Variants in OR1F1 observed in about 807,000 individuals in gnomAD.
OR1F1 encodes olfactory receptor family 1 subfamily F member 1, also known as olfactory receptor 1F1.
For missense variants in OR1F1, 493 were observed against 376.3 expected, an observed-to-expected ratio of 1.31 and a Z score of -2.57; for synonymous variants, 184 against 156.7, an observed-to-expected ratio of 1.17 and a Z score of -1.30.
the OR1F1 span, among the ~76,000 whole-genome samples, chr16:3,196,233 C>T: frequency 2.6e-5 from 4 of 152,216 alleles, no homozygotes; most frequent in Non-Finnish European, 4.4e-5. Flanking sequence ...GCACATGTTT[C>T]CTTTTCCTTT....
chr16:3,201,905 T>C (rs1958139409), upstream of OR1F1, among the ~76,000 whole-genome samples: 1 of 152,154 alleles, frequency 6.6e-6, no homozygotes, highest in Non-Finnish European at 1.5e-5. Context: ...TTATTCTACA[T>C]GTACTTAAAA....
chr16:3,203,883 G>C (rs1958166219), upstream of OR1F1, among the ~76,000 whole-genome samples: 1 of 152,202 alleles, frequency 6.6e-6, no homozygotes, highest in Non-Finnish European at 1.5e-5. Flanking sequence ...ACAGTCCTGA[G>C]CTCAGCAGCA....
exon 1 of OR1F1, chr16:3,205,105 C>A: frequency 6.2e-7 from 1 of 1,614,022 alleles, no homozygotes; most frequent in Non-Finnish European, 8.5e-7. Context: ...CATGCTAAAC[C>A]CTTTCATCTA....
the OR1F1 span, among the ~76,000 whole-genome samples, chr16:3,198,727 G>A: frequency 6.6e-6 from 1 of 152,180 alleles, no homozygotes; most frequent in South Asian, 2.1e-4. Flanking sequence ...GGTGGCTCAC[G>A]CCTGGAATCC....
chr16:3,205,342 G>T (rs1028691948), downstream of OR1F1, among the ~76,000 whole-genome samples: 1 of 152,032 alleles, frequency 6.6e-6, no homozygotes, highest in Non-Finnish European at 1.5e-5. Context: ...TTGAGACAGG[G>T]TCATGCTCTG....
At chr16:3,197,379 T>A in the OR1F1 span, among the ~76,000 whole-genome samples, 1 of 152,202 alleles carries the variant, frequency 6.6e-6, no homozygotes, top group Non-Finnish European at 1.5e-5. Flanking sequence ...AAGTAATCAA[T>A]ATATACATTA....
chr16:3,190,431 CAAAG>C, the OR1F1 span, among the ~76,000 whole-genome samples: 6,676 of 152,182 alleles, frequency 0.044, 196 homozygotes, highest in Non-Finnish European at 0.069. Flanking sequence ...AATCAAGAAT[CAAAG>C]AAATTTACAA....
the OR1F1 span, among the ~76,000 whole-genome samples, chr16:3,193,074 G>A: frequency 6.6e-6 from 1 of 152,164 alleles, no homozygotes; most frequent in African/African-American, 2.4e-5. Context: ...GTAGTTGGAG[G>A]AGCCACCACA....
At chr16:3,192,948 C>CT in the OR1F1 span, among the ~76,000 whole-genome samples, 1 of 152,066 alleles carries the variant, frequency 6.6e-6, no homozygotes, top group Non-Finnish European at 1.5e-5. Context: ...AATTTTTTAT[C>CT]TTTTTTGAAA....
chr16:3,192,512 G>C, the OR1F1 span, among the ~76,000 whole-genome samples: 19 of 152,344 alleles, frequency 1.2e-4, no homozygotes, highest in East Asian at 7.7e-4. Context: ...ATGAGTGTCT[G>C]AGGTCCCGGA....
At chr16:3,196,762 C>T in the OR1F1 span, among the ~76,000 whole-genome samples, 7 of 145,710 alleles carry the variant, frequency 4.8e-5, no homozygotes, top group Admixed American at 7.1e-5. Flanking sequence ...AGTGCAATGG[C>T]GTCCTGCAAC....
chr16:3,195,515 A>G, the OR1F1 span, among the ~76,000 whole-genome samples: 1 of 151,952 alleles, frequency 6.6e-6, no homozygotes, highest in African/African-American at 2.4e-5. Flanking sequence ...CCCTGTCTCT[A>G]CTAAAAATAC....
chr16:3,205,144 G>T, exon 1 of OR1F1: 1 of 1,611,854 alleles, frequency 6.2e-7, no homozygotes, highest in South Asian at 1.1e-5. Flanking sequence ...CTTGAAAGGG[G>T]CTCTGAAAAA....
chr16:3,188,932 T>G, the OR1F1 span, among the ~76,000 whole-genome samples: 1 of 152,172 alleles, frequency 6.6e-6, no homozygotes, highest in South Asian at 2.1e-4. Flanking sequence ...GAATCGCCCC[T>G]GGTGCGCAGC....
the OR1F1 span, among the ~76,000 whole-genome samples, chr16:3,188,904 G>C: frequency 1.3e-5 from 2 of 152,222 alleles, no homozygotes; most frequent in African/African-American, 4.8e-5. Flanking sequence ...CCAGTGAAGG[G>C]CAAGGGGGCG....
the OR1F1 span, among the ~76,000 whole-genome samples, chr16:3,197,711 G>A: frequency 3.6e-5 from 5 of 137,294 alleles, no homozygotes; most frequent in East Asian, 2.2e-4. Flanking sequence ...GAGAAGGAGA[G>A]GGAGAGGGAG....
the OR1F1 span, among the ~76,000 whole-genome samples, chr16:3,190,853 T>A: frequency 3.3e-5 from 5 of 151,878 alleles, no homozygotes; most frequent in Non-Finnish European, 7.4e-5. Flanking sequence ...ATGCAGACTA[T>A]TGGGAAGTCT....
upstream of OR1F1, among the ~76,000 whole-genome samples, chr16:3,200,059 CAG>C (rs1416009942): frequency 3.3e-5 from 5 of 151,728 alleles, no homozygotes; most frequent in Non-Finnish European, 7.4e-5. Context: ...GCAGAATAGA[CAG>C]TACACCCTGA....
chr16:3,204,799 C>T, exon 1 of OR1F1: 5 of 1,614,206 alleles, frequency 3.1e-6, no homozygotes, highest in Non-Finnish European at 4.2e-6. Context: ...GACTCCCCTA[C>T]TGAAACTCTC....
Sources: gnomAD v4.1 joint callset for allele counts (sites outside exome capture counted in the v4.1 genomes callset) on GRCh38, gnomAD v4.1.1 for gene constraint, MANE v1.5 for transcripts, NCBI Gene and HGNC (gene_info 2026-07-23, HGNC 2026-07-21) for gene names.